Variants in ZPBP observed in about 807,000 individuals in gnomAD.
ZPBP encodes the protein zona pellucida binding protein.
A neutral mutation model predicts 44.8 loss-of-function variants in ZPBP; 26 were observed. That is an observed-to-expected ratio of 0.58 (90% CI 0.43 to 0.81). The LOEUF is 0.81. ZPBP is among the 30% of genes least tolerant of loss of function. ZPBP has a pLI of 0.00. For missense variants in ZPBP, 409 were observed against 434.0 expected (o/e 0.94, Z 0.51); for synonymous variants, 174 against 153.2 (o/e 1.14, Z -1.00).
intron 7 of ZPBP, among the ~76,000 whole-genome samples, chr7:49,956,891 T>A (rs1325625427): frequency 1.3e-5 from 2 of 152,214 alleles, no homozygotes; most frequent in Admixed American, 1.3e-4. Flanking sequence ...ATTTTAAGAC[T>A]TACTAACCAT....
chr7:50,086,202 C>A (rs1231086004), intron 2 of ZPBP, among the ~76,000 whole-genome samples: 2 of 152,040 alleles, frequency 1.3e-5, no homozygotes, highest in Non-Finnish European at 2.9e-5. Context: ...ACGATATCAG[C>A]AAACAGCAAC....
At chr7:49,981,448 TGTAC>T (rs1207264692) in intron 7 of ZPBP, among the ~76,000 whole-genome samples, 1 of 50,986 alleles carries the variant, frequency 2.0e-5, no homozygotes, top group African/African-American at 1.1e-4. Context: ...ATATATATTA[TGTAC>T]ATATAATAAT....
intron 6 of ZPBP, among the ~76,000 whole-genome samples, chr7:49,985,112 C>T (rs189141684): frequency 4.6e-5 from 7 of 152,310 alleles, no homozygotes; most frequent in South Asian, 2.1e-4. Context: ...CCCTGTCCAG[C>T]GTTGGTTCCC....
chr7:49,922,496 G>A (rs1794066553), intron 1 of ZPBP, among the ~76,000 whole-genome samples: 1 of 152,156 alleles, frequency 6.6e-6, no homozygotes, highest in South Asian at 2.1e-4. Flanking sequence ...GAAAATCTGG[G>A]CAGAATAGAC....
the ZPBP span, among the ~76,000 whole-genome samples, chr7:49,841,609 C>G: frequency 1.4e-4 from 21 of 152,184 alleles, no homozygotes; most frequent in African/African-American, 5.1e-4. Context: ...AGCTTTTTCC[C>G]TCAGACCTTC....
chr7:49,991,345 G>T (rs541928677), intron 6 of ZPBP, among the ~76,000 whole-genome samples: 1 of 152,274 alleles, frequency 6.6e-6, no homozygotes, highest in Admixed American at 6.5e-5. Flanking sequence ...CAGCAATAAT[G>T]TGATCTCATA....
At chr7:49,972,043 C>T (rs1796321779) in intron 7 of ZPBP, among the ~76,000 whole-genome samples, 2 of 151,964 alleles carry the variant, frequency 1.3e-5, no homozygotes, top group African/African-American at 2.4e-5. Flanking sequence ...ATGTCAACCC[C>T]TTTTTTCTGA....
At chr7:49,870,948 C>A (rs757329821) in intron 2 of ZPBP, among the ~76,000 whole-genome samples, 1 of 152,168 alleles carries the variant, frequency 6.6e-6, no homozygotes, top group Admixed American at 6.5e-5. Flanking sequence ...ATGATAAACT[C>A]TCTTAGAAGA....
At chr7:49,919,884 T>C (rs1226229022) in intron 1 of ZPBP, 2 of 152,206 alleles carry the variant, frequency 1.3e-5, no homozygotes, top group Non-Finnish European at 2.9e-5. Context: ...ACAAAAATCA[T>C]TATGTTCTAT....
At position 50,009,777 on chromosome 7, in the gene ZPBP, T is replaced by C. The variant is rs1248110286; in HGVS notation, c.783+8463A>G. Among the ~76,000 whole-genome samples the C allele has an allele frequency of 1.9e-4, 29 of 151,998 alleles. 1 individual carries two copies. The highest frequency in any genetic ancestry group is 1.9e-3 in the Admixed American group (29 of 15,244). On this transcript the variant is annotated intron_variant, in intron 6 of 7. Transcript: ENST00000046087. ...ACAAAATGAAAAAAGTCTAGAATAATTTAATATATCAAGTTTACAAGAAAC... is the reference window on the plus strand; with the variant it reads ...ACAAAATGAAAAAAGTCTAGAATAACTTAATATATCAAGTTTACAAGAAAC...
chr7:49,974,365 G>A (rs988738246), intron 7 of ZPBP, among the ~76,000 whole-genome samples: 14 of 152,012 alleles, frequency 9.2e-5, no homozygotes, highest in African/African-American at 3.4e-4. Flanking sequence ...AGTTTGGGCA[G>A]GATAATTAAA....
At position 49,972,874 on chromosome 7, in the gene ZPBP, A is replaced by T. The variant is rs148492724; in HGVS notation, c.961+10468T>A. On this transcript the variant is annotated intron_variant, in intron 7 of 7. Coordinates refer to ENST00000046087, the MANE Select transcript of ZPBP (RefSeq NM_007009.3). ...CAGTGTGATAATGGCATAAAGGCAG[A>T]CATACAGACCAATGGAACAGAATAG... Among the ~76,000 whole-genome samples, 1,231 of 152,194 alleles carry T rather than the reference A, an allele frequency of 8.1e-3. 9 individuals carry two copies. Among genetic ancestry groups the T allele is most frequent in the Middle Eastern group, 0.031 (9 of 294 alleles).
At chr7:49,892,035 T>C (rs924862388) in intron 2 of ZPBP, among the ~76,000 whole-genome samples, 1 of 109,830 alleles carries the variant, frequency 9.1e-6, no homozygotes, top group Non-Finnish European at 1.9e-5. Context: ...AAGTAGATTT[T>C]TTTTTTTTTT....
rs541161421 is a variant in ZPBP, at chr7:50,043,527, C to T, written c.488-12217G>A. ...GCAAAAAATAGCAGGGGTTACAATC[C>T]TAGTCTATGATAAAACAGACTTTCA... is the stretch of plus-strand genomic sequence containing the variant. On this transcript the variant is annotated intron_variant, in intron 4 of 7. Transcript: ENST00000046087. Among the ~76,000 whole-genome samples, 135 of 152,276 alleles carry T rather than the reference C, an allele frequency of 8.9e-4. 5 individuals are homozygous for T. In the South Asian group the frequency reaches 0.027, roughly 31 times the overall value.
At chr7:49,882,932 T>A (rs1175895908) in intron 2 of ZPBP, among the ~76,000 whole-genome samples, 1 of 151,978 alleles carries the variant, frequency 6.6e-6, no homozygotes, top group Non-Finnish European at 1.5e-5. Flanking sequence ...GGAGAATAAA[T>A]CCACAGAAAG....
chr7:49,963,823 T>C (rs1295771314), intron 7 of ZPBP, among the ~76,000 whole-genome samples: 8 of 151,848 alleles, frequency 5.3e-5, no homozygotes, highest in Admixed American at 5.3e-4. Context: ...ATTGTTATTA[T>C]GGGCTTATTT....
intron 2 of ZPBP, among the ~76,000 whole-genome samples, chr7:49,883,934 G>A (rs1791786343): frequency 6.6e-6 from 1 of 152,242 alleles, no homozygotes; most frequent in African/African-American, 2.4e-5. Context: ...AGAACAGAAA[G>A]CAGTGGAGAG....
chr7:49,939,944 C>T lies in ZPBP; in HGVS notation c.962-2322G>A, dbSNP rs189133337. On this transcript the variant is annotated intron_variant, in intron 7 of 7. Transcript: ENST00000046087. ...TAACCAAAAACTGAACATTCCATAA[C>T]TGACCATCTGAAAATCTTCAATGAA... Among the ~76,000 whole-genome samples, 22 of 152,262 alleles carry T rather than the reference C, an allele frequency of 1.4e-4. No individual in the cohort carries two copies. The East Asian group carries it at 3.7e-3, about 25-fold the overall frequency.
At chr7:49,893,635 G>GTT (rs879726154) in intron 2 of ZPBP, among the ~76,000 whole-genome samples, 3 of 72,628 alleles carry the variant, frequency 4.1e-5, no homozygotes, top group Non-Finnish European at 3.1e-5. Context: ...TAGGAAACCA[G>GTT]TTTTTTTTTT....
Sources: allele counts gnomAD v4.1 joint callset (sites outside exome capture counted in the v4.1 genomes callset), GRCh38; gene constraint gnomAD v4.1.1; transcripts MANE v1.5; gene names NCBI Gene and HGNC (gene_info 2026-07-23, HGNC 2026-07-21).